The following DCAF1 variants were observed in gnomAD, a reference collection of about 807,000 sequenced individuals.
DCAF1 encodes the protein DDB1- and CUL4-associated factor 1.
Under a neutral mutation model 128.0 loss-of-function variants are expected in DCAF1, and 15 were observed. The ratio of observed to expected loss-of-function variants is 0.12; its 90% CI spans 0.08 to 0.18. The LOEUF is 0.18. Ranked by LOEUF, DCAF1 falls within the 10% of genes least tolerant of loss-of-function variation. DCAF1 has a pLI of 1.00. For missense variants in DCAF1, 988 were observed against 1,649.5 expected, an observed-to-expected ratio of 0.60 and a Z score of 6.95; for synonymous variants, 610 against 603.0, an observed-to-expected ratio of 1.01 and a Z score of -0.17.
At chr3:51,453,386 G>A (rs1171610636) in intron 6 of DCAF1, among the ~76,000 whole-genome samples, 1 of 152,072 alleles carries the variant, frequency 6.6e-6, no homozygotes, top group East Asian at 1.9e-4. Context: ...CCAGCACTTT[G>A]GGAGGCTGAG....
upstream of DCAF1, among the ~76,000 whole-genome samples, chr3:51,502,530 C>G (rs1490461176): frequency 6.6e-6 from 1 of 151,960 alleles, no homozygotes; most frequent in Non-Finnish European, 1.5e-5. Context: ...GCACTCCAGC[C>G]TGGGTGACAG....
chr3:51,434,808 G>C (rs1700671491), intron 9 of DCAF1, among the ~76,000 whole-genome samples: 1 of 152,038 alleles, frequency 6.6e-6, no homozygotes, highest in Non-Finnish European at 1.5e-5. Flanking sequence ...AGCCTCTCTG[G>C]GTGGAGATCT....
intron 1 of DCAF1, among the ~76,000 whole-genome samples, 177 bp from the exon 2 acceptor site, chr3:51,496,957 T>C (rs1553661209): frequency 6.6e-6 from 1 of 152,176 alleles, no homozygotes; most frequent in African/African-American, 2.4e-5. Context: ...ACAAAATATA[T>C]ATATAGATAC....
chr3:51,429,179 C>A, intron 12 of DCAF1, 82 bp downstream of exon 12: 1 of 702,996 alleles, frequency 1.4e-6, no homozygotes, highest in East Asian at 2.7e-5. Flanking sequence ...ACAGAGTCCA[C>A]TGATCTGAAT....
intron 2 of DCAF1, among the ~76,000 whole-genome samples, chr3:51,495,907 C>T (rs565915500): frequency 6.6e-6 from 1 of 151,918 alleles, no homozygotes; most frequent in South Asian, 2.1e-4. Context: ...AGCAAGAGAA[C>T]TGCTTGAGCC....
At chr3:51,418,581 AAAAG>A in intron 16 of DCAF1, 93 bp downstream of exon 16, 1 of 1,499,960 alleles carries the variant, frequency 6.7e-7, no homozygotes, top group South Asian at 1.4e-5. Flanking sequence ...GGACTCATTT[AAAAG>A]AGAGAGCTCA....
At chr3:51,440,926 T>G in intron 9 of DCAF1, 44 bp downstream of exon 9, 5 of 1,517,570 alleles carry the variant, frequency 3.3e-6, no homozygotes, top group Non-Finnish European at 4.5e-6. Context: ...AAAAACAAAG[T>G]TTTTAAAAAA....
chr3:51,419,723 C>A lies in DCAF1; in HGVS notation c.3236+11G>T. The A allele has an allele frequency of 6.3e-7, 1 of 1,587,620 alleles. No individual in the cohort carries two copies. Among genetic ancestry groups the A allele is most frequent in the Non-Finnish European group, 8.6e-7 (1 of 1,165,974 alleles). ...CCAATTCCCAGGGAGTAAGAAGGGG[C>A]CTCTTCTTACCTGCTAAAGATAAGG... On this transcript the variant is annotated intron_variant, in intron 15 of 24. Coordinates refer to ENST00000684031, the MANE Select transcript of DCAF1 (RefSeq NM_001387579.1).
chr3:51,487,502 C>G (rs565739026), intron 2 of DCAF1, among the ~76,000 whole-genome samples: 1 of 152,260 alleles, frequency 6.6e-6, no homozygotes, highest in South Asian at 2.1e-4. Flanking sequence ...ATGATCTCAT[C>G]TAGGATACAC....
chr3:51,437,640 C>T (rs1700972322), intron 9 of DCAF1, among the ~76,000 whole-genome samples: 2 of 151,970 alleles, frequency 1.3e-5, no homozygotes, highest in Non-Finnish European at 1.5e-5. Context: ...ATAATGAAAC[C>T]CGGTCTCTAC....
At chr3:51,477,392 G>A (rs961561275) in intron 3 of DCAF1, among the ~76,000 whole-genome samples, 2 of 151,340 alleles carry the variant, frequency 1.3e-5, no homozygotes, top group Non-Finnish European at 2.9e-5. Context: ...TGGTGAAGGA[G>A]GGAAGTTACC....
chr3:51,459,327 G>A lies in DCAF1; in HGVS notation c.375+3787C>T, dbSNP rs572831042. 2.3e-4 allele frequency among the ~76,000 whole-genome samples: 35 copies of A among 152,172 alleles called. No individual in the cohort carries two copies. The East Asian group carries it at 5.4e-3, about 23-fold the overall frequency. ...TCAAGAAGAAATGGATAAATTCCTCGACACATACATCCTCCCAAGACTAAA... is the reference window on the plus strand; with the variant it reads ...TCAAGAAGAAATGGATAAATTCCTCAACACATACATCCTCCCAAGACTAAA... On this transcript the variant is annotated intron_variant, in intron 6 of 24. Coordinates refer to ENST00000684031, the MANE Select transcript of DCAF1 (RefSeq NM_001387579.1).
chr3:51,471,121 A>T, intron 3 of DCAF1, 116 bp from the exon 4 acceptor site: 1 of 539,692 alleles, frequency 1.9e-6, no homozygotes, highest in Non-Finnish European at 3.3e-6. Context: ...GAAAAAGACT[A>T]TTTCTTCTGA....
chr3:51,443,225 G>C (rs1312446380), intron 7 of DCAF1, among the ~76,000 whole-genome samples: 5 of 152,030 alleles, frequency 3.3e-5, no homozygotes, highest in Non-Finnish European at 7.4e-5. Flanking sequence ...AACACAAATG[G>C]TAGAAAGGGA....
chr3:51,439,271 G>A (rs1701137425), intron 9 of DCAF1, among the ~76,000 whole-genome samples: 1 of 151,938 alleles, frequency 6.6e-6, no homozygotes, highest in African/African-American at 2.4e-5. Flanking sequence ...TGGGATTACA[G>A]GTGCAAGATA....
intron 7 of DCAF1, 29 bp from the exon 8 acceptor site, chr3:51,441,926 G>A: frequency 6.4e-7 from 1 of 1,553,696 alleles, no homozygotes; most frequent in Non-Finnish European, 8.6e-7. Flanking sequence ...AGAAAAAGGG[G>A]GTGCCTCTTT....
chr3:51,476,750 T>C (rs1577275365), intron 3 of DCAF1, among the ~76,000 whole-genome samples: 1 of 150,926 alleles, frequency 6.6e-6, no homozygotes, highest in Non-Finnish European at 1.5e-5. Context: ...TGTTGGCGGG[T>C]GCCTGTAATC....
chr3:51,454,154 C>G (rs1256170822), intron 6 of DCAF1, among the ~76,000 whole-genome samples: 1 of 152,100 alleles, frequency 6.6e-6, no homozygotes, highest in Non-Finnish European at 1.5e-5. Flanking sequence ...GCGATCCTCC[C>G]GCCTCAGCAT....
chr3:51,432,658 C>T (rs1700493019), intron 10 of DCAF1, among the ~76,000 whole-genome samples: 3 of 152,088 alleles, frequency 2.0e-5, no homozygotes, highest in Non-Finnish European at 2.9e-5. Flanking sequence ...GGGGTTACAC[C>T]ATGTTGGCCA....
Sources: allele counts gnomAD v4.1 joint callset (sites outside exome capture counted in the v4.1 genomes callset), GRCh38; gene constraint gnomAD v4.1.1; transcripts MANE v1.5; gene names NCBI Gene and HGNC (gene_info 2026-07-23, HGNC 2026-07-21).